Variants in MLLT3 observed in about 807,000 individuals in gnomAD.
MLLT3 encodes the protein protein AF-9.
Under a neutral mutation model 53.2 loss-of-function variants are expected in MLLT3, and 4 were observed. The observed-to-expected ratio is 0.08, with a 90% CI of 0.04 to 0.17. MLLT3 has a LOEUF of 0.17. Ranked by LOEUF, MLLT3 falls within the 10% of genes least tolerant of loss-of-function variation. The pLI, the probability that MLLT3 is intolerant of heterozygous loss-of-function variation, is 1.00. For synonymous variants in MLLT3, 283 were observed against 230.6 expected (o/e 1.23, Z -2.06); for missense variants, 569 against 684.0 (o/e 0.83, Z 1.87).
In MLLT3 at chr9:20,615,508, A is replaced by C. The variant is rs538395185; in HGVS notation, c.193+5146T>G. 1.3e-5 allele frequency among the ~76,000 whole-genome samples: 2 copies of C among 152,154 alleles called. 1 individual carries two copies. The highest frequency in any genetic ancestry group is 4.8e-5 in the African/African-American group (2 of 41,524). On this transcript the variant is annotated intron_variant, in intron 2 of 10. Transcript: ENST00000380338. ...TCATTCACCGGAATTTAATGAGGCA[A>C]ATACCTTGGAAGATTTACCTTTTCT...
chr9:20,513,662 G>A (rs992273496), intron 2 of MLLT3, among the ~76,000 whole-genome samples: 1 of 152,180 alleles, frequency 6.6e-6, no homozygotes, highest in Non-Finnish European at 1.5e-5. Flanking sequence ...AGGGTACGGG[G>A]GGTCAGTCAA....
intron 2 of MLLT3, among the ~76,000 whole-genome samples, chr9:20,517,730 G>A (rs929460359): frequency 5.9e-5 from 9 of 151,988 alleles, no homozygotes; most frequent in African/African-American, 2.2e-4. Flanking sequence ...CCAGCTACTT[G>A]GGAAGCTGAG....
At chr9:20,457,891 G>A (rs978987116) in intron 2 of MLLT3, among the ~76,000 whole-genome samples, 12 of 152,200 alleles carry the variant, frequency 7.9e-5, no homozygotes, top group African/African-American at 2.9e-4. Flanking sequence ...ACTGCATTTT[G>A]GTGGTATCAC....
chr9:20,619,595 G>A (rs574816983), intron 2 of MLLT3, among the ~76,000 whole-genome samples: 1 of 152,332 alleles, frequency 6.6e-6, no homozygotes, highest in Admixed American at 6.5e-5. Flanking sequence ...TAACCATTGT[G>A]TCGACTTAGA....
At chr9:20,472,391 T>C (rs572655951) in intron 2 of MLLT3, among the ~76,000 whole-genome samples, 2 of 152,152 alleles carry the variant, frequency 1.3e-5, no homozygotes, top group East Asian at 3.9e-4. Context: ...CATCGCACAT[T>C]TATTATACAC....
chr9:20,612,773 A>C (rs923815752), intron 2 of MLLT3, among the ~76,000 whole-genome samples: 1 of 152,212 alleles, frequency 6.6e-6, no homozygotes, highest in African/African-American at 2.4e-5. Flanking sequence ...ACTCTGAAAA[A>C]TAGGAAATAT....
chr9:20,480,505 G>C (rs1824634830), intron 2 of MLLT3, among the ~76,000 whole-genome samples: 1 of 152,210 alleles, frequency 6.6e-6, no homozygotes, highest in African/African-American at 2.4e-5. Context: ...AGAACTGACA[G>C]TTTCAGATGG....
At chr9:20,613,039 AAAAGT>A (rs1304166214) in intron 2 of MLLT3, among the ~76,000 whole-genome samples, 7 of 152,210 alleles carry the variant, frequency 4.6e-5, no homozygotes, top group South Asian at 2.1e-4. Flanking sequence ...AGGAAAACAG[AAAAGT>A]AAAGTATACA....
At chr9:20,516,505 A>G (rs1817923616) in intron 2 of MLLT3, among the ~76,000 whole-genome samples, 1 of 152,192 alleles carries the variant, frequency 6.6e-6, no homozygotes, top group South Asian at 2.1e-4. Context: ...CAGGAATGCT[A>G]TTGATGCTAT....
intron 2 of MLLT3, among the ~76,000 whole-genome samples, chr9:20,461,499 T>C (rs1355603062): frequency 1.3e-5 from 2 of 152,080 alleles, no homozygotes; most frequent in African/African-American, 2.4e-5. Context: ...AAGTAAAAGA[T>C]TTGACGAAGA....
chr9:20,539,255 A>C (rs760416399), intron 2 of MLLT3, among the ~76,000 whole-genome samples: 2 of 152,216 alleles, frequency 1.3e-5, no homozygotes, highest in Non-Finnish European at 2.9e-5. Flanking sequence ...ATCGTCTCAA[A>C]CCTTGCCACT....
intron 2 of MLLT3, among the ~76,000 whole-genome samples, chr9:20,529,867 T>C (rs1192391773): frequency 6.6e-6 from 1 of 151,284 alleles, no homozygotes; most frequent in Non-Finnish European, 1.5e-5. Flanking sequence ...CCCACTGTAA[T>C]CCAATTCTTT....
At chr9:20,573,083 T>G (rs947538691) in intron 2 of MLLT3, among the ~76,000 whole-genome samples, 3 of 152,124 alleles carry the variant, frequency 2.0e-5, no homozygotes, top group Non-Finnish European at 2.9e-5. Context: ...CCCACCAAGT[T>G]TGAAAACTAG....
intron 2 of MLLT3, among the ~76,000 whole-genome samples, chr9:20,520,867 C>T (rs545679406): frequency 3.0e-4 from 46 of 152,186 alleles, no homozygotes; most frequent in African/African-American, 1.1e-3. Context: ...GCAGAAAAAG[C>T]CAGAGACGCA....
At chr9:20,465,034 A>AT (rs1824200253) in intron 2 of MLLT3, among the ~76,000 whole-genome samples, 1 of 152,052 alleles carries the variant, frequency 6.6e-6, no homozygotes. Context: ...TATATAACCT[A>AT]TTTTTTCTTT....
At position 20,564,256 on chromosome 9, in the gene MLLT3, A is replaced by G. The variant is rs541322815; in HGVS notation, c.193+56398T>C. On this transcript the variant is annotated intron_variant, in intron 2 of 10. Coordinates refer to ENST00000380338, the MANE Select transcript of MLLT3 (RefSeq NM_004529.4). ...AACTTCACTTAAGCCACACTGCAGA[A>G]GTCCATCATATCAATCAGAAGCAGG... 2.6e-4 allele frequency among the ~76,000 whole-genome samples: 39 copies of G among 152,258 alleles called. 1 individual carries two copies. Among genetic ancestry groups the G allele is most frequent in the Admixed American group, 2.3e-3 (35 of 15,278 alleles).
intron 2 of MLLT3, among the ~76,000 whole-genome samples, chr9:20,588,084 T>C (rs1242820517): frequency 6.6e-6 from 1 of 152,000 alleles, no homozygotes; most frequent in East Asian, 1.9e-4. Context: ...CCCAGCACCA[T>C]TTATTAAATA....
intron 8 of MLLT3, among the ~76,000 whole-genome samples, chr9:20,356,990 T>G (rs1015202221): frequency 2.0e-5 from 3 of 152,232 alleles, no homozygotes; most frequent in African/African-American, 7.2e-5. Context: ...TAAACAGCTT[T>G]GTCAAAACCT....
intron 2 of MLLT3, among the ~76,000 whole-genome samples, chr9:20,595,852 G>T (rs1183249872): frequency 3.3e-5 from 5 of 152,156 alleles, no homozygotes; most frequent in Non-Finnish European, 5.9e-5. Context: ...GTAAAAAGAA[G>T]TCCGGGAAAT....
Sources: gnomAD v4.1 joint callset for allele counts (sites outside exome capture counted in the v4.1 genomes callset) on GRCh38, gnomAD v4.1.1 for gene constraint, MANE v1.5 for transcripts, NCBI Gene and HGNC (gene_info 2026-07-23, HGNC 2026-07-21) for gene names.